The following PITPNC1 variants were observed in gnomAD, a reference collection of about 807,000 sequenced individuals.
PITPNC1 encodes phosphatidylinositol transfer protein cytoplasmic 1.
A neutral mutation model predicts 44.7 loss-of-function variants in PITPNC1; 18 were observed. The ratio of observed to expected loss-of-function variants is 0.40; its 90% CI spans 0.28 to 0.60. The LOEUF (loss-of-function observed/expected upper bound fraction) is 0.60, where lower values mean the gene tolerates loss of function less well. PITPNC1 is among the 20% of genes least tolerant of loss of function. The pLI is 0.39. For missense variants in PITPNC1, 290 were observed against 418.4 expected (o/e 0.69, Z 2.68); for synonymous variants, 141 against 149.6 (o/e 0.94, Z 0.42).
At chr17:67,453,506 G>A (rs1016598028) in intron 1 of PITPNC1, among the ~76,000 whole-genome samples, 2 of 152,128 alleles carry the variant, frequency 1.3e-5, no homozygotes, top group Admixed American at 1.3e-4. Flanking sequence ...TACCGTGACC[G>A]CCTGCCACTC....
At chr17:67,524,228 A>G (rs1353321331) in intron 1 of PITPNC1, among the ~76,000 whole-genome samples, 12 of 152,166 alleles carry the variant, frequency 7.9e-5, no homozygotes, top group Non-Finnish European at 1.8e-4. Context: ...GGATGGCTTG[A>G]GGCTAGGAAT....
chr17:67,614,767 T>G (rs1436828974), intron 5 of PITPNC1, among the ~76,000 whole-genome samples: 1 of 151,668 alleles, frequency 6.6e-6, no homozygotes, highest in Non-Finnish European at 1.5e-5. Flanking sequence ...ATCCCAGGAC[T>G]TTGGGAGGTT....
In PITPNC1 at chr17:67,389,608, AGT is replaced by A. The variant is rs545031206; in HGVS notation, c.48+11409_48+11410del. Among the ~76,000 whole-genome samples the A allele has an allele frequency of 4.6e-5, 7 of 152,310 alleles. No homozygotes were observed. In the East Asian group the frequency reaches 1.3e-3, roughly 29 times the overall value. On this transcript the variant is annotated intron_variant, in intron 1 of 8. Coordinates refer to ENST00000581322, the MANE Select transcript of PITPNC1 (RefSeq NM_012417.4). Reference sequence around the variant, plus strand: ...ATGGCCATAGTTGCACAAGTCTGTAAGTGTATTAAGAACCATTGAATTGGTAT... The same window carrying A: ...ATGGCCATAGTTGCACAAGTCTGTAAGTATTAAGAACCATTGAATTGGTAT...
At chr17:67,599,034 A>ATATATATATATATATATAT (rs1461493250) in intron 5 of PITPNC1, among the ~76,000 whole-genome samples, 6 of 35,674 alleles carry the variant, frequency 1.7e-4, no homozygotes, top group Admixed American at 3.9e-4. Flanking sequence ...ATATATATAT[A>ATATATATATATATATATAT]TTTTTTTTTT....
chr17:67,669,808 A>G (rs1193346095), intron 7 of PITPNC1, 145 bp downstream of exon 7: 3 of 607,110 alleles, frequency 4.9e-6, no homozygotes, highest in Non-Finnish European at 8.6e-6. Context: ...GGGGTGGCCA[A>G]CACCTGTAAT....
At chr17:67,575,550 G>A (rs993674742) in intron 4 of PITPNC1, among the ~76,000 whole-genome samples, 1 of 152,152 alleles carries the variant, frequency 6.6e-6, no homozygotes, top group Non-Finnish European at 1.5e-5. Context: ...TCGATGGCAC[G>A]TCCCAGGCCT....
chr17:67,675,961 C>T (rs948055005), intron 8 of PITPNC1, among the ~76,000 whole-genome samples: 4 of 152,178 alleles, frequency 2.6e-5, no homozygotes, highest in African/African-American at 9.6e-5. Flanking sequence ...AATCCCAGCA[C>T]TTTGGGAGGC....
intron 1 of PITPNC1, among the ~76,000 whole-genome samples, chr17:67,445,947 T>A (rs901667906): frequency 2.8e-5 from 4 of 140,448 alleles, no homozygotes; most frequent in Non-Finnish European, 5.0e-5. Flanking sequence ...TTTTTTTGTA[T>A]TTTTTTTGGT....
chr17:67,443,632 T>TC (rs1440730026), intron 1 of PITPNC1, among the ~76,000 whole-genome samples: 2 of 69,416 alleles, frequency 2.9e-5, no homozygotes, highest in African/African-American at 1.3e-4. Context: ...AGGACACTGG[T>TC]CTTTTTTTTT....
Position 67,377,996 on chromosome 17 carries a change from G to C in PITPNC1, c.-159G>C. 2.2e-6 allele frequency: 1 copy of C among 451,364 alleles called. No homozygotes were observed. The highest frequency in any genetic ancestry group is 3.9e-6 in the Non-Finnish European group (1 of 259,736). The allele number at this position is 451,364 out of a possible 1,614,324, so 28.0% of individuals were successfully genotyped here. A position where few individuals can be genotyped will look rare whatever the true frequency, so the allele number is the denominator to read the frequency against. ...AAACCCTGACATGCTCTGGGGCGGA[G>C]AGGAGGAAGCCAGGAGCTGAGCGCG... is the stretch of plus-strand genomic sequence containing the variant. On this transcript the variant is annotated 5_prime_UTR_variant, in exon 1 of 9. Coordinates refer to ENST00000581322, the MANE Select transcript of PITPNC1 (RefSeq NM_012417.4).
chr17:67,491,208 C>T (rs533114459), intron 1 of PITPNC1, among the ~76,000 whole-genome samples: 221 of 152,356 alleles, frequency 1.5e-3, no homozygotes, highest in African/African-American at 5.0e-3. Context: ...CGCAGAGAGG[C>T]GTGTGAACGC....
At chr17:67,601,482 G>A (rs1340851920) in intron 5 of PITPNC1, among the ~76,000 whole-genome samples, 1 of 152,056 alleles carries the variant, frequency 6.6e-6, no homozygotes, top group Non-Finnish European at 1.5e-5. Flanking sequence ...GGCACCCCGT[G>A]GCTCATCCCT....
At chr17:67,526,414 C>T (rs2144117342) in intron 1 of PITPNC1, among the ~76,000 whole-genome samples, 1 of 152,256 alleles carries the variant, frequency 6.6e-6, no homozygotes, top group South Asian at 2.1e-4. Context: ...TTGGGGTTGC[C>T]TTTTTAATTC....
intron 1 of PITPNC1, among the ~76,000 whole-genome samples, chr17:67,458,131 G>A (rs1413025610): frequency 2.0e-5 from 3 of 152,140 alleles, no homozygotes; most frequent in African/African-American, 7.2e-5. Context: ...TTCCTACCCA[G>A]TACTCCTTTC....
intron 1 of PITPNC1, among the ~76,000 whole-genome samples, chr17:67,427,268 T>C (rs969150797): frequency 6.6e-6 from 1 of 152,140 alleles, no homozygotes. Flanking sequence ...TGGAGTGCAG[T>C]GGTGTGATCT....
In PITPNC1 at chr17:67,598,178, C is replaced by T. The variant is rs186545605; in HGVS notation, c.366+19921C>T. On this transcript the variant is annotated intron_variant, in intron 5 of 8. Coordinates refer to ENST00000581322, the MANE Select transcript of PITPNC1 (RefSeq NM_012417.4). The stretch of plus-strand genomic sequence containing the variant: ...CGGAGGTTGCAGTGAGCCAAGATCA[C>T]GCCACTGCACTCCAGCCTGAGAGTG... Among the ~76,000 whole-genome samples the T allele has an allele frequency of 4.1e-3, 631 of 152,076 alleles. 12 individuals carry two copies. Among genetic ancestry groups the T allele is most frequent in the Admixed American group, 0.035 (538 of 15,252 alleles).
At chr17:67,510,701 T>A (rs1207809847) in intron 1 of PITPNC1, among the ~76,000 whole-genome samples, 1 of 151,994 alleles carries the variant, frequency 6.6e-6, no homozygotes, top group African/African-American at 2.4e-5. Flanking sequence ...GGGGTTCAAG[T>A]GATTCTCCTG....
chr17:67,466,907 TAAGAG>T (rs918966214), intron 1 of PITPNC1, among the ~76,000 whole-genome samples: 7 of 152,134 alleles, frequency 4.6e-5, no homozygotes, highest in African/African-American at 1.2e-4. Context: ...TCTAGCTCCT[TAAGAG>T]AAGACTATGT....
intron 5 of PITPNC1, among the ~76,000 whole-genome samples, chr17:67,622,419 T>C (rs2041844397): frequency 1.3e-5 from 2 of 151,490 alleles, no homozygotes; most frequent in Non-Finnish European, 2.9e-5. Flanking sequence ...CATGTATATA[T>C]TTATGAAACA....
Sources: gnomAD v4.1 joint callset for allele counts (sites outside exome capture counted in the v4.1 genomes callset) on GRCh38, gnomAD v4.1.1 for gene constraint, MANE v1.5 for transcripts, NCBI Gene and HGNC (gene_info 2026-07-23, HGNC 2026-07-21) for gene names.